The following CERS5 variants were observed in gnomAD, a reference collection of about 807,000 sequenced individuals.
The protein encoded by CERS5 is ceramide synthase 5.
Under a neutral mutation model 58.9 loss-of-function variants are expected in CERS5, and 37 were observed. The ratio of observed to expected loss-of-function variants is 0.63; its 90% CI spans 0.48 to 0.83. CERS5 has a LOEUF of 0.83. Ranked by LOEUF, CERS5 falls within the 40% of genes least tolerant of loss-of-function variation. The pLI is 0.00. For synonymous variants in CERS5, 147 were observed against 177.8 expected, an observed-to-expected ratio of 0.83 and a Z score of 1.38; for missense variants, 398 against 489.3, an observed-to-expected ratio of 0.81 and a Z score of 1.76.
At chr12:50,139,012 T>C (rs907382537) in intron 4 of CERS5, among the ~76,000 whole-genome samples, 2 of 152,224 alleles carry the variant, frequency 1.3e-5, no homozygotes, top group African/African-American at 4.8e-5. Context: ...ACATCATCTT[T>C]GCTGCTGGAT....
intron 9 of CERS5, 196 bp downstream of exon 9, chr12:50,134,350 G>A: frequency 7.0e-7 from 1 of 1,420,802 alleles, no homozygotes; most frequent in Non-Finnish European, 9.3e-7. Flanking sequence ...CTCCAGCCTG[G>A]GTGACAGAGC....
intron 1 of CERS5, among the ~76,000 whole-genome samples, chr12:50,158,409 T>C (rs1259618970): frequency 6.6e-6 from 1 of 152,194 alleles, no homozygotes; most frequent in African/African-American, 2.4e-5. Context: ...TTTTATTTAT[T>C]TTTACATTTT....
At position 50,141,939 on chromosome 12, in the gene CERS5, C is replaced by CAAA. The variant is rs35739493; in HGVS notation, c.492+111_492+113dup. 2,764 of 405,692 alleles carry CAAA rather than the reference C, an allele frequency of 6.8e-3. 3 individuals are homozygous for CAAA. Among genetic ancestry groups the CAAA allele is most frequent in the South Asian group, 1.0e-2 (410 of 41,056 alleles). The allele number at this position is 405,692 out of a possible 1,614,324, so 25.1% of individuals were successfully genotyped here. ...TGGGTGACAGAGCAAGACTCCGTCT[C>CAAA]AAAAAAAAAAAAAAAAAAAGAAAAG... On this transcript the variant is annotated intron_variant, in intron 4 of 9. Coordinates refer to ENST00000317551, the MANE Select transcript of CERS5 (RefSeq NM_147190.5).
At chr12:50,159,137 C>T (rs983105643) in intron 1 of CERS5, among the ~76,000 whole-genome samples, 3 of 151,998 alleles carry the variant, frequency 2.0e-5, no homozygotes, top group Non-Finnish European at 4.4e-5. Flanking sequence ...CTGGCTAACA[C>T]GGTGAAACCC....
intron 9 of CERS5, chr12:50,132,908 A>C: frequency 7.8e-7 from 1 of 1,286,178 alleles, no homozygotes; most frequent in Non-Finnish European, 1.0e-6. Context: ...AGGAAAGAGA[A>C]CCACATTCAG....
In CERS5 at chr12:50,140,488, T is replaced by C. The variant is rs1951914532; in HGVS notation, c.492+1565A>G. On this transcript the variant is annotated intron_variant, in intron 4 of 9. Transcript: ENST00000317551. ...TTAGTAGAGATAGAGTTTTGCCCTG[T>C]TGCCCAGGCTGGTCTTGAACTCCTG... Among the ~76,000 whole-genome samples the C allele has an allele frequency of 6.6e-5, 10 of 152,020 alleles. 1 individual carries two copies. The highest frequency in any genetic ancestry group is 6.6e-4 in the Admixed American group (10 of 15,254).
chr12:50,141,153 C>T (rs991063097), intron 4 of CERS5, among the ~76,000 whole-genome samples: 3 of 152,094 alleles, frequency 2.0e-5, no homozygotes, highest in African/African-American at 4.8e-5. Context: ...TGGGCTCAAG[C>T]GATTCTCCTA....
chr12:50,135,302 GA>G lies in CERS5; in HGVS notation c.872+429del, dbSNP rs1432789504. The G allele has an allele frequency of 2.3e-3, 610 of 268,010 alleles. 12 individuals are homozygous for G. Among genetic ancestry groups the G allele is most frequent in the African/African-American group, 0.011 (387 of 35,068 alleles). The allele number at this position is 268,010 out of a possible 1,614,324, so 16.6% of individuals were successfully genotyped here. On this transcript the variant is annotated intron_variant, in intron 8 of 9. Transcript: ENST00000317551. Reference sequence around the variant, plus strand: ...GAGAGAGGAGAGGGAGGAAGAGAGAGAGAGGAGTGTGTGTGTGTGTGTGTGT... The same window carrying G: ...GAGAGAGGAGAGGGAGGAAGAGAGAGGAGGAGTGTGTGTGTGTGTGTGTGT...
chr12:50,144,122 A>G lies in CERS5; in HGVS notation c.198-65T>C, dbSNP rs1169053524. 2.8e-5 allele frequency: 24 copies of G among 869,718 alleles called. No homozygotes were observed. The Admixed American group carries it at 3.7e-4, about 13-fold the overall frequency. The allele number at this position is 869,718 out of a possible 1,614,324, so 53.9% of individuals were successfully genotyped here. A position where few individuals can be genotyped will look rare whatever the true frequency, so the allele number is the denominator to read the frequency against. ...AAATTTTATTTATAGTTGACACATA[A>G]TAATTGTACATATTTATGGGGTACA... On this transcript the variant is annotated intron_variant, in intron 1 of 9. Coordinates refer to ENST00000317551, the MANE Select transcript of CERS5 (RefSeq NM_147190.5).
At chr12:50,134,482 G>C (rs756699221) in intron 9 of CERS5, 64 bp downstream of exon 9, 1 of 1,612,974 alleles carries the variant, frequency 6.2e-7, no homozygotes, top group South Asian at 1.1e-5. Flanking sequence ...GATGGAGAGA[G>C]AACGTCTGTT....
intron 1 of CERS5, 150 bp downstream of exon 1, chr12:50,166,951 G>A: frequency 1.6e-6 from 1 of 632,266 alleles, no homozygotes; most frequent in South Asian, 2.0e-5. Context: ...CCTCGCCCAC[G>A]CGCCTAGCAT....
At chr12:50,139,823 T>A (rs181390111) in intron 4 of CERS5, among the ~76,000 whole-genome samples, 2 of 152,208 alleles carry the variant, frequency 1.3e-5, no homozygotes, top group Admixed American at 1.3e-4. Context: ...ACCCCACAAA[T>A]GTATCCATTG....
chr12:50,146,365 C>A (rs1271216220), intron 1 of CERS5, among the ~76,000 whole-genome samples: 1 of 152,202 alleles, frequency 6.6e-6, no homozygotes, highest in Non-Finnish European at 1.5e-5. Flanking sequence ...AAGTGAGAAG[C>A]AAGAAATACT....
At position 50,133,461 on chromosome 12, in the gene CERS5, T is replaced by C. The variant is rs1951448534; in HGVS notation, c.1029+1085A>G. The C allele has an allele frequency of 7.0e-6, 7 of 997,824 alleles. No individual in the cohort carries two copies. In the South Asian group the frequency reaches 3.1e-4, roughly 45 times the overall value. 61.8% of individuals were successfully genotyped at this position (997,824 alleles called of 1,614,324 possible). A position where few individuals can be genotyped will look rare whatever the true frequency, so the allele number is the denominator to read the frequency against. Reference sequence around the variant, plus strand: ...CTAGTGGGGTGAGGTGGGTATTTAGTTCCTTATATAAACCATATCTTGAAT... The same window carrying C: ...CTAGTGGGGTGAGGTGGGTATTTAGCTCCTTATATAAACCATATCTTGAAT... On this transcript the variant is annotated intron_variant, in intron 9 of 9. Transcript: ENST00000317551.
intron 1 of CERS5, chr12:50,144,926 G>T: frequency 4.1e-6 from 2 of 489,574 alleles, no homozygotes; most frequent in Non-Finnish European, 7.1e-6. Context: ...ACAAGGTCAG[G>T]AGTTGGAGAC....
At chr12:50,132,983 A>C in intron 9 of CERS5, 1 of 1,289,124 alleles carries the variant, frequency 7.8e-7, no homozygotes, top group Non-Finnish European at 1.0e-6. Context: ...GAAACTGTCC[A>C]GCTCCCGCCA....
intron 1 of CERS5, among the ~76,000 whole-genome samples, chr12:50,153,430 C>T (rs759458584): frequency 6.6e-6 from 1 of 151,556 alleles, no homozygotes; most frequent in Admixed American, 6.6e-5. Flanking sequence ...GAGGCATGCA[C>T]CACCACGTCC....
chr12:50,145,752 A>G (rs1282533674), intron 1 of CERS5, among the ~76,000 whole-genome samples: 1 of 152,200 alleles, frequency 6.6e-6, no homozygotes, highest in Non-Finnish European at 1.5e-5. Context: ...CTGTATACCA[A>G]TAATATTTAA....
intron 1 of CERS5, among the ~76,000 whole-genome samples, chr12:50,153,508 G>A (rs1938215546): frequency 6.6e-6 from 1 of 151,360 alleles, no homozygotes; most frequent in Admixed American, 6.6e-5. Context: ...TCAATCTCTT[G>A]ACCTTGTGAT....
Sources: allele counts gnomAD v4.1 joint callset (sites outside exome capture counted in the v4.1 genomes callset), GRCh38; gene constraint gnomAD v4.1.1; transcripts MANE v1.5; gene names NCBI Gene and HGNC (gene_info 2026-07-23, HGNC 2026-07-21).